NFIA: variants seen among roughly 807,000 people sequenced by gnomAD.
The protein encoded by NFIA is nuclear factor 1 A-type.
NFIA carries 8 observed loss-of-function variants against 62.8 expected under a neutral mutation model. That is an observed-to-expected ratio of 0.13 (90% confidence interval 0.07 to 0.23). The LOEUF (loss-of-function observed/expected upper bound fraction) is 0.23. Ranked by LOEUF, NFIA falls within the 10% of genes least tolerant of loss-of-function variation. The probability of loss-of-function intolerance (pLI) is 1.00; values close to 1 mark genes in which losing one functional copy is unlikely to be tolerated. For synonymous variants in NFIA, 235 were observed against 238.1 expected (o/e 0.99, Z 0.12); for missense variants, 410 against 642.1 (o/e 0.64, Z 3.91).
chr1:61,238,596 G>T (rs1253790056), intron 2 of NFIA, among the ~76,000 whole-genome samples: 1 of 152,118 alleles, frequency 6.6e-6, no homozygotes, highest in African/African-American at 2.4e-5. Flanking sequence ...AGACATCCTG[G>T]CTAGCTGCAA....
At chr1:61,218,370 G>A (rs1036988087) in intron 2 of NFIA, among the ~76,000 whole-genome samples, 5 of 152,180 alleles carry the variant, frequency 3.3e-5, no homozygotes, top group African/African-American at 1.2e-4. Flanking sequence ...GTGTATGTTG[G>A]AGTATAGTCG....
At chr1:61,417,534 G>A (rs1666408205) in intron 9 of NFIA, among the ~76,000 whole-genome samples, 1 of 151,328 alleles carries the variant, frequency 6.6e-6, no homozygotes, top group Non-Finnish European at 1.5e-5. Flanking sequence ...TTCTAGAATT[G>A]GAATTGCTAA....
At chr1:61,364,747 C>CA in intron 6 of NFIA, among the ~76,000 whole-genome samples, 1 of 152,282 alleles carries the variant, frequency 6.6e-6, no homozygotes, top group East Asian at 1.9e-4. Flanking sequence ...CTTTGTAGAA[C>CA]ATTTTATGTA....
intron 10 of NFIA, among the ~76,000 whole-genome samples, chr1:61,431,987 T>A (rs975052211): frequency 1.3e-5 from 2 of 152,306 alleles, no homozygotes; most frequent in Non-Finnish European, 2.9e-5. Context: ...CCTCGAGTTG[T>A]TCAAAGTCTA....
intron 2 of NFIA, among the ~76,000 whole-genome samples, chr1:61,216,585 T>C (rs1345259241): frequency 6.6e-6 from 1 of 152,222 alleles, no homozygotes. Context: ...ATTGCTCAGG[T>C]AAATTAATTG....
intron 2 of NFIA, among the ~76,000 whole-genome samples, chr1:61,262,469 C>T (rs149258678): frequency 1.3e-5 from 2 of 152,130 alleles, no homozygotes; most frequent in South Asian, 2.1e-4. Flanking sequence ...ACAGTACCAA[C>T]GAGGCAGCAT....
intron 2 of NFIA, among the ~76,000 whole-genome samples, chr1:61,182,376 G>GT (rs2100562484): frequency 6.6e-6 from 1 of 152,302 alleles, no homozygotes; most frequent in African/African-American, 2.4e-5. Flanking sequence ...TTAGTGGCAT[G>GT]TTTGGTTAAG....
chr1:61,201,386 A>G (rs567863948), intron 2 of NFIA, among the ~76,000 whole-genome samples: 10 of 152,230 alleles, frequency 6.6e-5, no homozygotes, highest in East Asian at 3.9e-4. Context: ...CTGGTGCTCA[A>G]AGAGATACAT....
chr1:61,303,700 C>G (rs1017391069), intron 3 of NFIA, among the ~76,000 whole-genome samples: 14 of 152,310 alleles, frequency 9.2e-5, no homozygotes, highest in South Asian at 2.1e-4. Context: ...TATTAAAACA[C>G]AGATCTCTGG....
intron 7 of NFIA, among the ~76,000 whole-genome samples, chr1:61,397,464 T>C (rs769318380): frequency 2.6e-5 from 4 of 152,206 alleles, no homozygotes; most frequent in Non-Finnish European, 5.9e-5. Flanking sequence ...CTTTCTTTCA[T>C]GTATTCTACA....
intron 2 of NFIA, among the ~76,000 whole-genome samples, chr1:61,263,368 G>T (rs570873244): frequency 6.6e-6 from 1 of 152,256 alleles, no homozygotes; most frequent in African/African-American, 2.4e-5. Context: ...TTTAAACATT[G>T]CTGTGAGGAG....
chr1:61,202,780 T>C (rs1652599195), intron 2 of NFIA, among the ~76,000 whole-genome samples: 1 of 152,172 alleles, frequency 6.6e-6, no homozygotes, highest in Non-Finnish European at 1.5e-5. Context: ...AAAATAAAAA[T>C]GAAAGACCCC....
At chr1:61,407,918 A>C (rs1389405047) in intron 9 of NFIA, among the ~76,000 whole-genome samples, 3 of 152,122 alleles carry the variant, frequency 2.0e-5, no homozygotes, top group African/African-American at 7.2e-5. Flanking sequence ...CAGCTTCCTT[A>C]CCTTCAGTAT....
At chr1:61,210,673 G>C (rs1442740582) in intron 2 of NFIA, among the ~76,000 whole-genome samples, 1 of 152,226 alleles carries the variant, frequency 6.6e-6, no homozygotes, top group Non-Finnish European at 1.5e-5. Context: ...TGGAAGAATG[G>C]ATATGACATT....
chr1:61,150,420 G>A lies in NFIA; in HGVS notation c.559+61740G>A, dbSNP rs189052229. Among the ~76,000 whole-genome samples the A allele has an allele frequency of 1.5e-3, 223 of 152,322 alleles. 2 individuals are homozygous for A. In the South Asian group the frequency reaches 0.022, roughly 15 times the overall value. On this transcript the variant is annotated intron_variant, in intron 2 of 10. Coordinates refer to ENST00000403491, the MANE Select transcript of NFIA (RefSeq NM_001134673.4). ...GTTAGCAGAAAAATGGCTAGGCATT[G>A]GAGTAACCCTGTGATTTGACATTTT...
chr1:61,193,895 C>A (rs1224924177), intron 2 of NFIA, among the ~76,000 whole-genome samples: 1 of 152,152 alleles, frequency 6.6e-6, no homozygotes, highest in Admixed American at 6.5e-5. Flanking sequence ...AGAATGCCTC[C>A]TTATGCCTAC....
intron 3 of NFIA, among the ~76,000 whole-genome samples, chr1:61,285,267 C>T (rs1274773701): frequency 2.0e-5 from 3 of 152,072 alleles, no homozygotes; most frequent in Non-Finnish European, 4.4e-5. Context: ...CAATTAAAAA[C>T]CAGCGTGGTG....
rs1364411836 is a variant in NFIA at position 61,175,422 on chromosome 1, A to T, written c.559+86742A>T. Among the ~76,000 whole-genome samples, 4 of 152,334 alleles carry T rather than the reference A, an allele frequency of 2.6e-5. No individual in the cohort carries two copies. In the East Asian group the frequency reaches 7.7e-4, roughly 29 times the overall value. ...TTCCCAAAGTGCTGGGATTAGAGTC[A>T]TGAGCCACAGCGCCTGGCCCTTATC... On this transcript the variant is annotated intron_variant, in intron 2 of 10. Coordinates refer to ENST00000403491, the MANE Select transcript of NFIA (RefSeq NM_001134673.4).
At chr1:61,350,638 C>T (rs1395594120) in intron 4 of NFIA, among the ~76,000 whole-genome samples, 2 of 151,794 alleles carry the variant, frequency 1.3e-5, no homozygotes, top group Non-Finnish European at 2.9e-5. Flanking sequence ...GAGCTCTTGT[C>T]TCTAAAACAA....
Sources: gnomAD v4.1 joint callset for allele counts (sites outside exome capture counted in the v4.1 genomes callset) on GRCh38, gnomAD v4.1.1 for gene constraint, MANE v1.5 for transcripts, NCBI Gene and HGNC (gene_info 2026-07-23, HGNC 2026-07-21) for gene names.